Variants in SDHA observed in about 807,000 individuals in gnomAD.
SDHA encodes succinate dehydrogenase [ubiquinone] flavoprotein subunit, mitochondrial.
A neutral mutation model predicts 78.4 loss-of-function variants in SDHA; 48 were observed. The observed-to-expected ratio is 0.61, with a 90% confidence interval of 0.49 to 0.78. SDHA has a LOEUF of 0.78. Ranked by LOEUF, SDHA falls within the 30% of genes least tolerant of loss-of-function variation. The pLI is 0.00. For missense variants in SDHA, 680 were observed against 892.7 expected (o/e 0.76, Z 3.04); for synonymous variants, 326 against 353.9 (o/e 0.92, Z 0.88).
chr5:220,683 G>C (rs1179122190), intron 1 of SDHA, among the ~76,000 whole-genome samples: 1 of 147,090 alleles, frequency 6.8e-6, no homozygotes, highest in African/African-American at 2.7e-5. Context: ...CAGGCCGGCC[G>C]ACTTGAATCC....
At chr5:242,955 C>T (rs1272507573) in intron 11 of SDHA, among the ~76,000 whole-genome samples, 4 of 152,196 alleles carry the variant, frequency 2.6e-5, no homozygotes, top group African/African-American at 9.7e-5. Flanking sequence ...AGGTTCATCC[C>T]TACCCTTCTG....
At chr5:268,627 C>A in the SDHA span, among the ~76,000 whole-genome samples, 1 of 152,108 alleles carries the variant, frequency 6.6e-6, no homozygotes, top group African/African-American at 2.4e-5. Context: ...TCTCTGAACT[C>A]TAGTTTTCTC....
chr5:236,716 C>G, intron 10 of SDHA, 117 bp downstream of exon 10: 1 of 965,716 alleles, frequency 1.0e-6, no homozygotes, highest in South Asian at 1.4e-5. Flanking sequence ...ACAGTCATAG[C>G]AGCCTCAACC....
chr5:227,537 G>A (rs1390617262), intron 5 of SDHA: 1 of 161,386 alleles, frequency 6.2e-6, no homozygotes, highest in Non-Finnish European at 1.4e-5. Context: ...GCATCGACAA[G>A]TGTGTGGTGG....
intron 1 of SDHA, among the ~76,000 whole-genome samples, chr5:220,705 C>T (rs1734663490): frequency 6.6e-6 from 1 of 152,070 alleles, no homozygotes; most frequent in East Asian, 1.9e-4. Context: ...CTCTGAGCTC[C>T]GTCTTTCCGT....
In SDHA at chr5:233,662, A is replaced by G. The variant is rs762784376; in HGVS notation, c.1064+17A>G. On this transcript the variant is annotated intron_variant, in intron 8 of 14. Coordinates refer to ENST00000264932, the MANE Select transcript of SDHA (RefSeq NM_004168.4). Reference sequence around the variant, plus strand: ...AGAAGGAAGGTGCGTGTGATTTACCACCAGCACTGTCTGAGCGGGCACACG... The same window carrying G: ...AGAAGGAAGGTGCGTGTGATTTACCGCCAGCACTGTCTGAGCGGGCACACG... 5 of 1,613,534 alleles carry G rather than the reference A, an allele frequency of 3.1e-6. No homozygotes were observed. The highest frequency in any genetic ancestry group is 4.2e-6 in the Non-Finnish European group (5 of 1,179,658).
chr5:239,980 G>A (rs1736040344), intron 10 of SDHA, among the ~76,000 whole-genome samples: 1 of 152,116 alleles, frequency 6.6e-6, no homozygotes, highest in African/African-American at 2.4e-5. Context: ...TGTTGGCCAG[G>A]CTGCTCTTGA....
Position 257,029 on chromosome 5 carries a change from G to C in SDHA, c.*609G>C, listed in dbSNP as rs1737251315. On this transcript the variant is annotated 3_prime_UTR_variant, in exon 15 of 15. Transcript: ENST00000264932. Reference sequence around the variant, plus strand: ...TGTGTTGCCTAGGCTGGTCTCAAGTGATCCTCCCTCCTTGGCCTCCCAAGG... The same window carrying C: ...TGTGTTGCCTAGGCTGGTCTCAAGTCATCCTCCCTCCTTGGCCTCCCAAGG... Among the ~76,000 whole-genome samples, 3 of 128,654 alleles carry C rather than the reference G, an allele frequency of 2.3e-5. No homozygotes were observed. 84.4% of individuals were successfully genotyped at this position (128,654 alleles called of 152,430 possible).
At chr5:259,405 C>T (rs1444124706), downstream of SDHA, among the ~76,000 whole-genome samples, 2 of 62,438 alleles carry the variant, frequency 3.2e-5, no homozygotes, top group African/African-American at 2.3e-4. Context: ...CTCCGCCTCC[C>T]GTCACAGCAT....
chr5:228,040 T>C, intron 5 of SDHA, 145 bp from the exon 6 acceptor site: 1 of 798,160 alleles, frequency 1.3e-6, no homozygotes. Flanking sequence ...GCTCTGACAG[T>C]GTCACTGACA....
chr5:244,217 C>T (rs1736311574), intron 11 of SDHA, among the ~76,000 whole-genome samples: 2 of 151,638 alleles, frequency 1.3e-5, no homozygotes, highest in South Asian at 4.2e-4. Flanking sequence ...TTATGCTGCA[C>T]AGTAGCTGTG....
intron 6 of SDHA, 84 bp downstream of exon 6, chr5:228,417 G>A (rs1479425826): frequency 2.9e-6 from 4 of 1,399,662 alleles, no homozygotes; most frequent in Non-Finnish European, 4.0e-6. Context: ...GAAAATAGAG[G>A]CATTGTAGAA....
intron 11 of SDHA, among the ~76,000 whole-genome samples, chr5:243,367 C>T (rs1177740192): frequency 6.6e-6 from 1 of 152,168 alleles, no homozygotes; most frequent in Non-Finnish European, 1.5e-5. Context: ...AACTCCTGCT[C>T]AGTTCTTACA....
downstream of SDHA, among the ~76,000 whole-genome samples, chr5:259,112 C>T (rs2126653356): frequency 1.9e-5 from 1 of 53,618 alleles, no homozygotes; most frequent in Admixed American, 1.6e-4. Context: ...GTGAGCTCCG[C>T]CTCCCGTCCG....
downstream of SDHA, among the ~76,000 whole-genome samples, chr5:258,959 T>C (rs71597617): frequency 4.4e-4 from 12 of 27,008 alleles, no homozygotes; most frequent in South Asian, 3.6e-3. Context: ...CCGCCTCCCG[T>C]CCGAGCATTA....
At chr5:239,136 G>GCAGAACCTCAAGAGACCCATAGCCT (rs1201736191) in intron 10 of SDHA, among the ~76,000 whole-genome samples, 1 of 150,988 alleles carries the variant, frequency 6.6e-6, no homozygotes, top group African/African-American at 2.5e-5. Context: ...GAGAGGTGGT[G>GCAGAACCTCAAGAGACCCATAGCCT]GGCGGGGTGG....
chr5:258,929 C>T (rs372150033), downstream of SDHA, among the ~76,000 whole-genome samples: 3 of 22,014 alleles, frequency 1.4e-4, 1 homozygote, highest in South Asian at 1.6e-3. Flanking sequence ...GCCTCCCGTC[C>T]GAGCATTACC....
At chr5:255,178 C>T (rs1213840247) in intron 14 of SDHA, among the ~76,000 whole-genome samples, 1 of 110,010 alleles carries the variant, frequency 9.1e-6, no homozygotes, top group African/African-American at 5.7e-5. Context: ...CACAGTTCAC[C>T]TGTGTGGCAT....
chr5:256,275 CAA>C (rs747293516), intron 14 of SDHA, 57 bp from the exon 15 acceptor site: 20 of 1,289,856 alleles, frequency 1.6e-5, no homozygotes, highest in Admixed American at 5.0e-5. Flanking sequence ...AAAAGGAACA[CAA>C]GAGATGGCTT....
Sources: gnomAD v4.1 joint callset for allele counts (sites outside exome capture counted in the v4.1 genomes callset) on GRCh38, gnomAD v4.1.1 for gene constraint, MANE v1.5 for transcripts, NCBI Gene and HGNC (gene_info 2026-07-23, HGNC 2026-07-21) for gene names.